TIGAR: variants seen among roughly 807,000 people sequenced by gnomAD.
TIGAR encodes the protein TP53 induced glycolysis regulatory phosphatase.
TIGAR carries 7 observed loss-of-function variants against 17.9 expected under a neutral mutation model. The observed-to-expected ratio is 0.39, with a 90% CI of 0.22 to 0.73. TIGAR has a LOEUF of 0.73. Ranked by LOEUF, TIGAR falls within the 30% of genes least tolerant of loss-of-function variation. TIGAR has a pLI of 0.42. For missense variants in TIGAR, 258 were observed against 327.4 expected (o/e 0.79, Z 1.64); for synonymous variants, 94 against 108.6 (o/e 0.87, Z 0.84).
chr12:4,344,502 C>A (rs1864759159), intron 3 of TIGAR, among the ~76,000 whole-genome samples: 1 of 152,208 alleles, frequency 6.6e-6, no homozygotes, highest in Admixed American at 6.5e-5. Context: ...CCGAATCCAG[C>A]AGCGCAACAA....
At chr12:4,323,826 C>G (rs77417653) in intron 1 of TIGAR, among the ~76,000 whole-genome samples, 1 of 152,124 alleles carries the variant, frequency 6.6e-6, no homozygotes, top group African/African-American at 2.4e-5. Context: ...CAATGCTTTC[C>G]GGTCTGGATC....
At chr12:4,350,633 C>T (rs570287131) in intron 4 of TIGAR, among the ~76,000 whole-genome samples, 1 of 152,066 alleles carries the variant, frequency 6.6e-6, no homozygotes, top group East Asian at 1.9e-4. Context: ...AAAAATTAGC[C>T]GGGTGTGGTG....
In TIGAR at chr12:4,354,979, C is replaced by G. The variant is rs901912854; in HGVS notation, c.*2288C>G. 4.0e-5 allele frequency among the ~76,000 whole-genome samples: 6 copies of G among 151,834 alleles called. No homozygotes were observed. Among genetic ancestry groups the G allele is most frequent in the Non-Finnish European group, 8.8e-5 (6 of 68,000 alleles). ...CTTCTGACCTCAGGTGATCCACCTG[C>G]CTTGGCCTTCCAAAGTGCTGGGATT... On this transcript the variant is annotated 3_prime_UTR_variant, in exon 6 of 6. Transcript: ENST00000179259.
Position 4,337,146 on chromosome 12 carries a change from A to G in TIGAR, c.178A>G (p.Met60Val). 1 of 1,610,804 alleles carries G rather than the reference A, an allele frequency of 6.2e-7. No individual in the cohort carries two copies. The highest frequency in any genetic ancestry group is 8.5e-7 in the Non-Finnish European group (1 of 1,177,340). Residue 60 changes from methionine to valine, a missense_variant, in exon 3 of 6, where the codon ATG (methionine) becomes GTG (valine). Met to Val is a conservative substitution (Grantham distance 21, BLOSUM62 1). Transcript: ENST00000179259. ...TACTCATGCTTTCTCCAGTGATCTC[A>G]TGAGGACAAAGCAGGTACATTTATT... Reference protein sequence around the residue: ...KFTHAFSSDLMRTKQTMHGIL... With the variant: ...KFTHAFSSDLVRTKQTMHGIL...
At chr12:4,350,694 T>G (rs1256484564) in intron 4 of TIGAR, among the ~76,000 whole-genome samples, 1 of 151,808 alleles carries the variant, frequency 6.6e-6, no homozygotes, top group Non-Finnish European at 1.5e-5. Flanking sequence ...AGAGAATCGT[T>G]TGAACCCAGG....
chr12:4,358,287 CAAAAAA>C lies in TIGAR; in HGVS notation c.*5606_*5611del, dbSNP rs1203284222. ...AATACAAAAATTAGCTGGGCGTCTC[CAAAAAA>C]AAAAAAAAAGAAAAAGAAAAATCAC... On this transcript the variant is annotated 3_prime_UTR_variant, in exon 6 of 6. Coordinates refer to ENST00000179259, the MANE Select transcript of TIGAR (RefSeq NM_020375.3). 2.7e-5 allele frequency among the ~76,000 whole-genome samples: 3 copies of C among 109,666 alleles called. No individual in the cohort carries two copies. Among genetic ancestry groups the C allele is most frequent in the South Asian group, 6.0e-4 (2 of 3,316 alleles). 71.9% of individuals were successfully genotyped at this position (109,666 alleles called of 152,430 possible).
chr12:4,340,831 A>C (rs1864711469), intron 3 of TIGAR, among the ~76,000 whole-genome samples: 1 of 152,226 alleles, frequency 6.6e-6, no homozygotes, highest in South Asian at 2.1e-4. Context: ...AAAACTGGAT[A>C]TCCATATACA....
chr12:4,334,853 A>G (rs781417493), intron 2 of TIGAR, among the ~76,000 whole-genome samples: 8 of 152,220 alleles, frequency 5.3e-5, no homozygotes, highest in Admixed American at 4.6e-4. Flanking sequence ...ATGGTGTTCC[A>G]TGGTAGGAAA....
intron 4 of TIGAR, among the ~76,000 whole-genome samples, chr12:4,350,358 A>G (rs1017681827): frequency 6.6e-6 from 1 of 152,228 alleles, no homozygotes; most frequent in Non-Finnish European, 1.5e-5. Context: ...CATATTGCCA[A>G]GTTGCCTTCC....
At chr12:4,324,495 CACCTGGTT>C in intron 1 of TIGAR, 1 of 1,608,082 alleles carries the variant, frequency 6.2e-7, no homozygotes, top group Non-Finnish European at 8.5e-7. Flanking sequence ...GCTTGATCTC[CACCTGGTT>C]GAAGGTCTTG....
intron 1 of TIGAR, among the ~76,000 whole-genome samples, chr12:4,327,515 C>T (rs1336852833): frequency 6.6e-6 from 1 of 152,084 alleles, no homozygotes; most frequent in East Asian, 1.9e-4. Flanking sequence ...GTTTGCAGCC[C>T]ATAATTGGCT....
chr12:4,344,100 T>C (rs545147829), intron 3 of TIGAR, among the ~76,000 whole-genome samples: 193 of 152,166 alleles, frequency 1.3e-3, no homozygotes, highest in African/African-American at 4.6e-3. Context: ...TATAAACACC[T>C]CTACACAAAT....
At chr12:4,347,265 G>C (rs566476913) in intron 3 of TIGAR, among the ~76,000 whole-genome samples, 49 of 152,208 alleles carry the variant, frequency 3.2e-4, no homozygotes, top group African/African-American at 1.1e-3. Flanking sequence ...TGGAACTGGA[G>C]GTCATTATGT....
rs1179383979 is a variant in TIGAR, at chr12:4,336,708, A to G, written c.71-331A>G. ...GAAAAAACTTTTAGATGATGGTCCT[A>G]CCGCCCCAACACAGTACCTGTAAGA... On this transcript the variant is annotated intron_variant, in intron 2 of 5. Transcript: ENST00000179259. Among the ~76,000 whole-genome samples the G allele has an allele frequency of 3.3e-5, 5 of 152,276 alleles. No individual in the cohort carries two copies. In the East Asian group the frequency reaches 9.6e-4, roughly 29 times the overall value.
chr12:4,341,731 C>T (rs1241815072), intron 3 of TIGAR, among the ~76,000 whole-genome samples: 1 of 152,184 alleles, frequency 6.6e-6, no homozygotes, highest in African/African-American at 2.4e-5. Flanking sequence ...TACCAAAACC[C>T]CATCTGTACG....
chr12:4,347,734 G>C (rs1456988763), intron 3 of TIGAR, among the ~76,000 whole-genome samples: 1 of 152,072 alleles, frequency 6.6e-6, no homozygotes, highest in Admixed American at 6.6e-5. Context: ...GCCAAAAAAT[G>C]AAAACCTCAG....
chr12:4,349,318 G>C (rs1864812925), intron 3 of TIGAR, among the ~76,000 whole-genome samples: 1 of 152,136 alleles, frequency 6.6e-6, no homozygotes, highest in South Asian at 2.1e-4. Context: ...TGAACTAAAA[G>C]ATAGGTTAGA....
chr12:4,336,473 C>T (rs12369624), intron 2 of TIGAR, among the ~76,000 whole-genome samples: 1 of 133,608 alleles, frequency 7.5e-6, no homozygotes, highest in Non-Finnish European at 1.6e-5. Context: ...CACACACACA[C>T]ACACACACAC....
intron 1 of TIGAR, 120 bp from the exon 2 acceptor site, chr12:4,331,158 AGT>A: frequency 1.2e-6 from 1 of 831,000 alleles, no homozygotes; most frequent in Non-Finnish European, 2.0e-6. Flanking sequence ...TGGATTATGA[AGT>A]GTGTTACAAG....
Sources: allele counts gnomAD v4.1 joint callset (sites outside exome capture counted in the v4.1 genomes callset), GRCh38; gene constraint gnomAD v4.1.1; transcripts MANE v1.5; gene names NCBI Gene and HGNC (gene_info 2026-07-23, HGNC 2026-07-21).